The following MICAL3 variants were observed in gnomAD, a reference collection of about 807,000 sequenced individuals.
MICAL3 encodes the protein [F-actin]-monooxygenase MICAL3.
In MICAL3, 62 loss-of-function variants were observed where a neutral mutation model predicts 207.4. That is an observed-to-expected ratio of 0.30 (90% CI 0.24 to 0.37). MICAL3 has a LOEUF of 0.37. Ranked by LOEUF, MICAL3 falls within the 10% of genes least tolerant of loss-of-function variation. MICAL3 has a pLI of 1.00. For synonymous variants in MICAL3, 1,077 were observed against 1,069.3 expected, an observed-to-expected ratio of 1.01 and a Z score of -0.14; for missense variants, 2,368 against 2,635.6, an observed-to-expected ratio of 0.90 and a Z score of 2.22.
chr22:17,948,412 C>G (rs938281315), intron 1 of MICAL3, among the ~76,000 whole-genome samples: 1 of 152,120 alleles, frequency 6.6e-6, no homozygotes, highest in Admixed American at 6.5e-5. Context: ...TGTCCCGAGG[C>G]GGGGTGTGCC....
At chr22:17,922,213 C>T (rs1036870052) in intron 1 of MICAL3, among the ~76,000 whole-genome samples, 2 of 152,020 alleles carry the variant, frequency 1.3e-5, no homozygotes, top group East Asian at 1.9e-4. Context: ...TCTGCCTACC[C>T]GTTTGTGTTT....
intron 1 of MICAL3, among the ~76,000 whole-genome samples, chr22:17,922,259 TGCACGTAGTACAGATGCGG>T (rs1216662369): frequency 2.6e-5 from 4 of 152,194 alleles, no homozygotes; most frequent in Non-Finnish European, 4.4e-5. Context: ...CGTTCATGTT[TGCACGTAGTACAGATGCGG>T]GCAGATGCCA....
At position 17,886,016 on chromosome 22, in the gene MICAL3, C is replaced by A; in HGVS notation, c.2103G>T (p.Pro701=). 1.2e-6 allele frequency: 2 copies of A among 1,614,018 alleles called. No individual in the cohort carries two copies. Among genetic ancestry groups the A allele is most frequent in the Non-Finnish European group, 1.7e-6 (2 of 1,179,894 alleles). ...TGTCTGTCAGAGTGCTCACCAGGGT[C>A]GGTCTTTCTCCTCTGTGGCCCCGAG... ...EAPRGHRGER[P]TLVSTLTDRR... The change falls in exon 16 of 32, where the codon CCG becomes CCT. Residue 701 remains proline, a synonymous_variant. Coordinates refer to ENST00000441493, the MANE Select transcript of MICAL3 (RefSeq NM_015241.3).
intron 17 of MICAL3, among the ~76,000 whole-genome samples, chr22:17,866,306 G>A (rs1569102865): frequency 6.6e-6 from 1 of 152,256 alleles, no homozygotes; most frequent in Non-Finnish European, 1.5e-5. Flanking sequence ...CTGTGTGGCA[G>A]GGCCAGCAAA....
intron 19 of MICAL3, among the ~76,000 whole-genome samples, chr22:17,848,818 C>A (rs1168382450): frequency 3.9e-5 from 6 of 152,248 alleles, no homozygotes; most frequent in Admixed American, 3.3e-4. Flanking sequence ...TCTCAGGCAC[C>A]TGGTGCCATC....
intron 19 of MICAL3, chr22:17,864,655 C>A: frequency 6.3e-7 from 1 of 1,599,328 alleles, no homozygotes; most frequent in Non-Finnish European, 8.5e-7. Context: ...ACGGCCCCAT[C>A]ACTGGGCCAC....
intron 27 of MICAL3, chr22:17,812,567 G>A (rs754210408): frequency 8.1e-6 from 8 of 984,158 alleles, no homozygotes; most frequent in Non-Finnish European, 8.4e-6. Flanking sequence ...ACTTTTAAGC[G>A]GATGGCATCA....
intron 22 of MICAL3, among the ~76,000 whole-genome samples, chr22:17,826,012 C>G (rs1406885553): frequency 2.1e-4 from 32 of 152,224 alleles, no homozygotes; most frequent in Admixed American, 2.1e-3. Context: ...TCTGCTCTTC[C>G]CTCTCCACCA....
rs140381398 is a variant in MICAL3 at position 17,881,079 on chromosome 22, C to T, written c.2241+4799G>A. 161 of 846,460 alleles carry T rather than the reference C, an allele frequency of 1.9e-4. 1 individual carries two copies. In the East Asian group the frequency reaches 2.8e-3, roughly 15 times the overall value. 52.4% of individuals were successfully genotyped at this position (846,460 alleles called of 1,614,324 possible). A position where few individuals can be genotyped will look rare whatever the true frequency, so the allele number is the denominator to read the frequency against. ...TTGCTTCCACCACAAACGGTTTCTA[C>T]GCATAGCCTTTCTTCTTGATAGTTA... On this transcript the variant is annotated intron_variant, in intron 16 of 31. Coordinates refer to ENST00000441493, the MANE Select transcript of MICAL3 (RefSeq NM_015241.3).
At chr22:17,821,583 C>A in intron 24 of MICAL3, 74 bp from the exon 25 acceptor site, 5 of 1,259,718 alleles carry the variant, frequency 4.0e-6, no homozygotes, top group Non-Finnish European at 5.5e-6. Context: ...TATCAGCCAG[C>A]CCCAGAGGGT....
intron 1 of MICAL3, among the ~76,000 whole-genome samples, chr22:17,913,441 T>C (rs1932263529): frequency 6.6e-6 from 1 of 152,108 alleles, no homozygotes; most frequent in African/African-American, 2.4e-5. Flanking sequence ...CCTGGACACA[T>C]GTTAGAGAAA....
chr22:17,838,070 G>A (rs560255423), intron 20 of MICAL3, among the ~76,000 whole-genome samples: 62 of 152,330 alleles, frequency 4.1e-4, no homozygotes, highest in Middle Eastern at 3.4e-3. Context: ...CTCCCACAGT[G>A]CTGGGATTAC....
intron 20 of MICAL3, among the ~76,000 whole-genome samples, chr22:17,835,978 C>T (rs935628922): frequency 1.2e-4 from 18 of 152,216 alleles, no homozygotes; most frequent in Admixed American, 6.5e-5. Context: ...GACTGTCCCC[C>T]GGTAAAGCCT....
At chr22:17,812,408 CAGTT>C (rs1467078807) in intron 27 of MICAL3, 2 of 493,538 alleles carry the variant, frequency 4.1e-6, no homozygotes, top group Admixed American at 6.4e-5. Context: ...CGCACAAACA[CAGTT>C]AGTGAGGATG....
intron 19 of MICAL3, among the ~76,000 whole-genome samples, chr22:17,849,644 A>ATG (rs149239378): frequency 0.029 from 2,295 of 79,306 alleles, 53 homozygotes; most frequent in African/African-American, 0.035. Flanking sequence ...CCAGAATGGA[A>ATG]TGTGTGTGTG....
intron 21 of MICAL3, among the ~76,000 whole-genome samples, chr22:17,829,002 C>T (rs1038157039): frequency 2.6e-5 from 4 of 152,016 alleles, no homozygotes; most frequent in African/African-American, 9.7e-5. Flanking sequence ...TGTGCTCTGC[C>T]GTATGTGGGG....
At chr22:17,871,199 C>T (rs114445141) in intron 17 of MICAL3, among the ~76,000 whole-genome samples, 124 of 152,290 alleles carry the variant, frequency 8.1e-4, no homozygotes, top group African/African-American at 2.9e-3. Flanking sequence ...ATGGCTCTAT[C>T]GTCTGTGTGC....
At chr22:17,967,851 C>A (rs1342920436) in intron 1 of MICAL3, among the ~76,000 whole-genome samples, 1 of 144,358 alleles carries the variant, frequency 6.9e-6, no homozygotes, top group African/African-American at 2.6e-5. Flanking sequence ...TCGAGACCAG[C>A]CTGACCAACA....
Position 17,901,003 on chromosome 22 carries a change from G to T in MICAL3, c.692-6C>A, listed in dbSNP as rs774534673. The T allele has an allele frequency of 6.2e-7, 1 of 1,613,860 alleles. No individual in the cohort carries two copies. Among genetic ancestry groups the T allele is most frequent in the South Asian group, 1.1e-5 (1 of 91,082 alleles). On this transcript the variant is annotated splice_region_variant and splice_polypyrimidine_tract_variant and intron_variant, in intron 5 of 31. Transcript: ENST00000441493. ...GAATTCTTTCCGACGAAACCCTGGA[G>T]GGAAATAAATTTTCAGAGGTGATAA...
Sources: gnomAD v4.1 joint callset for allele counts (sites outside exome capture counted in the v4.1 genomes callset) on GRCh38, gnomAD v4.1.1 for gene constraint, MANE v1.5 for transcripts, NCBI Gene and HGNC (gene_info 2026-07-23, HGNC 2026-07-21) for gene names.